Variants in NOS1AP observed in about 807,000 individuals in gnomAD.
NOS1AP encodes the protein carboxyl-terminal PDZ ligand of neuronal nitric oxide synthase protein.
In NOS1AP, 21 loss-of-function variants were observed where a neutral mutation model predicts 56.2. That is an observed-to-expected ratio of 0.37 (90% confidence interval 0.26 to 0.54). NOS1AP has a LOEUF of 0.54. Ranked by LOEUF, NOS1AP falls within the 20% of genes least tolerant of loss-of-function variation. The probability of loss-of-function intolerance (pLI) is 0.84; values close to 1 mark genes in which losing one functional copy is unlikely to be tolerated. For synonymous variants in NOS1AP, 270 were observed against 274.6 expected (o/e 0.98, Z 0.17); for missense variants, 522 against 657.8 (o/e 0.79, Z 2.26).
At chr1:162,294,684 C>T (rs1655393902) in intron 3 of NOS1AP, among the ~76,000 whole-genome samples, 1 of 152,112 alleles carries the variant, frequency 6.6e-6, no homozygotes, top group Non-Finnish European at 1.5e-5. Context: ...GAGAGAGAGA[C>T]AGGTTAATAA....
intron 2 of NOS1AP, among the ~76,000 whole-genome samples, chr1:162,282,524 A>G (rs1389443045): frequency 6.6e-6 from 1 of 152,222 alleles, no homozygotes; most frequent in African/African-American, 2.4e-5. Context: ...GGGTATACTC[A>G]GATTTTGTAT....
At chr1:162,103,658 G>A (rs916825773) in intron 1 of NOS1AP, among the ~76,000 whole-genome samples, 1 of 152,118 alleles carries the variant, frequency 6.6e-6, no homozygotes, top group Non-Finnish European at 1.5e-5. Context: ...ATCCCTTGTT[G>A]AATTGAACCC....
chr1:162,138,769 C>A (rs949546275), intron 1 of NOS1AP, among the ~76,000 whole-genome samples: 3 of 152,202 alleles, frequency 2.0e-5, no homozygotes, highest in Non-Finnish European at 4.4e-5. Context: ...CAGGCAGCAC[C>A]TGTGGCACCC....
At chr1:162,217,202 A>G (rs1049797228) in intron 2 of NOS1AP, among the ~76,000 whole-genome samples, 1 of 149,852 alleles carries the variant, frequency 6.7e-6, no homozygotes, top group African/African-American at 2.5e-5. Flanking sequence ...GTCTGGGTCC[A>G]AATTGGTACT....
chr1:162,159,368 A>G (rs1231866936), intron 2 of NOS1AP, among the ~76,000 whole-genome samples: 1 of 152,140 alleles, frequency 6.6e-6, no homozygotes, highest in East Asian at 1.9e-4. Flanking sequence ...CTGTCTCTCT[A>G]GTGCTATTGT....
At chr1:162,357,198 C>T in intron 8 of NOS1AP, 62 bp downstream of exon 8, 1 of 1,574,266 alleles carries the variant, frequency 6.4e-7, no homozygotes, top group South Asian at 1.1e-5. Flanking sequence ...TGCACCTTCC[C>T]TAGCGAGGGG....
At chr1:162,289,565 C>T (rs1264487502) in intron 3 of NOS1AP, among the ~76,000 whole-genome samples, 1 of 146,592 alleles carries the variant, frequency 6.8e-6, no homozygotes, top group African/African-American at 2.5e-5. Context: ...AGCTCCGCCT[C>T]CCGGGTTCAC....
At chr1:162,094,495 G>A (rs927227959) in intron 1 of NOS1AP, among the ~76,000 whole-genome samples, 1 of 152,140 alleles carries the variant, frequency 6.6e-6, no homozygotes, top group Non-Finnish European at 1.5e-5. Flanking sequence ...CCCTAATCAT[G>A]CTTGTTAGGG....
chr1:162,137,481 A>G (rs1187452844), intron 1 of NOS1AP, among the ~76,000 whole-genome samples: 1 of 152,138 alleles, frequency 6.6e-6, no homozygotes, highest in East Asian at 1.9e-4. Flanking sequence ...GGATCAGCAC[A>G]GTGTTGTTGC....
At chr1:162,092,807 G>T (rs778532531) in intron 1 of NOS1AP, among the ~76,000 whole-genome samples, 10 of 152,112 alleles carry the variant, frequency 6.6e-5, no homozygotes, top group Non-Finnish European at 1.5e-4. Flanking sequence ...AAATGGTAAG[G>T]AGGATTTACT....
At chr1:162,362,475 GAAAGA>G (rs61085847) in intron 8 of NOS1AP, among the ~76,000 whole-genome samples, 76,762 of 148,448 alleles carry the variant, frequency 0.52, 20,094 homozygotes, top group East Asian at 0.66. Context: ...AAAAAAGAAA[GAAAGA>G]AAAGAAAAGA....
At chr1:162,294,223 G>A (rs1226678072) in intron 3 of NOS1AP, among the ~76,000 whole-genome samples, 1 of 101,676 alleles carries the variant, frequency 9.8e-6, no homozygotes, top group Non-Finnish European at 1.9e-5. Flanking sequence ...AAGGAAGGAA[G>A]GAAGAAAGAA....
intron 8 of NOS1AP, among the ~76,000 whole-genome samples, chr1:162,358,458 C>T (rs1447169201): frequency 6.6e-6 from 1 of 152,074 alleles, no homozygotes; most frequent in East Asian, 1.9e-4. Context: ...AAAGTCTTAC[C>T]ATGAAACAAA....
intron 8 of NOS1AP, chr1:162,363,681 C>A: frequency 1.6e-6 from 1 of 620,444 alleles, no homozygotes; most frequent in Non-Finnish European, 2.0e-6. Flanking sequence ...ATACAAAAAA[C>A]ACTCTTACCA....
At chr1:162,355,103 G>A (rs1426453883) in intron 6 of NOS1AP, 84 bp from the exon 7 acceptor site, 8 of 1,515,974 alleles carry the variant, frequency 5.3e-6, no homozygotes, top group African/African-American at 1.4e-5. Flanking sequence ...GGCTCAACAT[G>A]CCTGAAAGCT....
chr1:162,159,795 A>C (rs1246383938), intron 2 of NOS1AP, among the ~76,000 whole-genome samples: 1 of 152,192 alleles, frequency 6.6e-6, no homozygotes, highest in Non-Finnish European at 1.5e-5. Flanking sequence ...GGCTCCACCA[A>C]GGGGGTTCTG....
At chr1:162,099,897 C>G (rs373579207) in intron 1 of NOS1AP, among the ~76,000 whole-genome samples, 17,451 of 151,346 alleles carry the variant, frequency 0.12, 2,230 homozygotes, top group African/African-American at 0.31. Context: ...GTTTTTTGTC[C>G]TTGCGATAGT....
intron 3 of NOS1AP, among the ~76,000 whole-genome samples, chr1:162,289,641 A>AT (rs1243414505): frequency 6.6e-6 from 1 of 151,308 alleles, no homozygotes; most frequent in Non-Finnish European, 1.5e-5. Context: ...CGCCCGGCTA[A>AT]TTTTTTATAT....
chr1:162,342,550 G>A, intron 5 of NOS1AP: 1 of 484,450 alleles, frequency 2.1e-6, no homozygotes, highest in South Asian at 1.5e-5. Flanking sequence ...CACAAAGATA[G>A]TAATAAGAAA....
Sources: allele counts gnomAD v4.1 joint callset (sites outside exome capture counted in the v4.1 genomes callset), GRCh38; gene constraint gnomAD v4.1.1; transcripts MANE v1.5; gene names NCBI Gene and HGNC (gene_info 2026-07-23, HGNC 2026-07-21).